The following CNTNAP2 variants were observed in gnomAD, a reference collection of about 807,000 sequenced individuals.
The protein encoded by CNTNAP2 is contactin-associated protein-like 2.
CNTNAP2 carries 98 observed loss-of-function variants against 155.2 expected under a neutral mutation model. The ratio of observed to expected loss-of-function variants is 0.63; its 90% confidence interval spans 0.54 to 0.75. The LOEUF (loss-of-function observed/expected upper bound fraction) is 0.75, where lower values mean the gene tolerates loss of function less well. Ranked by LOEUF, CNTNAP2 falls within the 30% of genes least tolerant of loss-of-function variation. CNTNAP2 has a pLI of 0.00. For synonymous variants in CNTNAP2, 651 were observed against 631.2 expected, an observed-to-expected ratio of 1.03 and a Z score of -0.47; for missense variants, 1,727 against 1,688.1, an observed-to-expected ratio of 1.02 and a Z score of -0.40.
At chr7:147,968,356 G>A (rs970423831) in intron 14 of CNTNAP2, among the ~76,000 whole-genome samples, 1 of 152,100 alleles carries the variant, frequency 6.6e-6, no homozygotes, top group Non-Finnish European at 1.5e-5. Context: ...CATTTCACTG[G>A]GGACATAGGC....
At chr7:146,642,062 G>A (rs546068733) in intron 1 of CNTNAP2, among the ~76,000 whole-genome samples, 2 of 151,910 alleles carry the variant, frequency 1.3e-5, no homozygotes, top group South Asian at 4.2e-4. Flanking sequence ...TATACTTACT[G>A]TTTTTTAAAG....
intron 1 of CNTNAP2, among the ~76,000 whole-genome samples, chr7:146,340,389 G>GT (rs1201800053): frequency 1.4e-5 from 2 of 146,668 alleles, no homozygotes; most frequent in Non-Finnish European, 3.0e-5. Flanking sequence ...AATTAATGAT[G>GT]TTTTTTCCTG....
intron 1 of CNTNAP2, among the ~76,000 whole-genome samples, chr7:146,235,987 T>A (rs948031210): frequency 1.1e-4 from 16 of 150,012 alleles, no homozygotes; most frequent in Admixed American, 5.3e-4. Context: ...TGTGCGCGCG[T>A]ATTTGTAAAA....
rs560855428 is a variant in CNTNAP2 at position 147,224,790 on chromosome 7, A to ATT, written c.1349-75350_1349-75349insTT. Reference sequence around the variant, plus strand: ...TTCCCCCCTCTCTATATATACACATATACACACACATAAACACACATATAC... The same window carrying ATT: ...TTCCCCCCTCTCTATATATACACATATTTACACACACATAAACACACATATAC... On this transcript the variant is annotated intron_variant, in intron 8 of 23. Coordinates refer to ENST00000361727, the MANE Select transcript of CNTNAP2 (RefSeq NM_014141.6). Among the ~76,000 whole-genome samples, 116 of 152,298 alleles carry ATT rather than the reference A, an allele frequency of 7.6e-4. 1 individual carries two copies. Among genetic ancestry groups the ATT allele is most frequent in the African/African-American group, 2.6e-3 (108 of 41,560 alleles).
intron 1 of CNTNAP2, among the ~76,000 whole-genome samples, chr7:146,378,630 C>T (rs767838823): frequency 2.0e-5 from 3 of 152,164 alleles, no homozygotes; most frequent in Non-Finnish European, 2.9e-5. Context: ...CATTTAACCA[C>T]TATTTAAACC....
rs565932105 is a variant in CNTNAP2 at position 146,308,563 on chromosome 7, G to C, written c.97+191590G>C. ...TTGCGGCACTATTCACAATAGCAAA[G>C]ACTTGGAACCAACCCAAACGTCCAT... On this transcript the variant is annotated intron_variant, in intron 1 of 23. Coordinates refer to ENST00000361727, the MANE Select transcript of CNTNAP2 (RefSeq NM_014141.6). Among the ~76,000 whole-genome samples, 3 of 151,540 alleles carry C rather than the reference G, an allele frequency of 2.0e-5. No homozygotes were observed. In the South Asian group the frequency reaches 6.2e-4, roughly 31 times the overall value.
chr7:146,662,648 T>A (rs111884362), intron 1 of CNTNAP2, among the ~76,000 whole-genome samples: 46 of 149,416 alleles, frequency 3.1e-4, no homozygotes, highest in Middle Eastern at 3.4e-3. Context: ...GACCAGTTTG[T>A]ATTTTTTATG....
chr7:147,219,991 G>A (rs906409932), intron 8 of CNTNAP2, among the ~76,000 whole-genome samples: 6 of 138,666 alleles, frequency 4.3e-5, no homozygotes, highest in East Asian at 2.1e-4. Flanking sequence ...GGTTTTCACC[G>A]TGTTAGCCAG....
At chr7:147,631,652 A>C (rs1387765493) in intron 12 of CNTNAP2, among the ~76,000 whole-genome samples, 1 of 152,220 alleles carries the variant, frequency 6.6e-6, no homozygotes, top group Non-Finnish European at 1.5e-5. Context: ...AATGGAACAA[A>C]ATAGAGAATC....
chr7:147,964,435 A>T (rs186301364), intron 14 of CNTNAP2, among the ~76,000 whole-genome samples: 2 of 152,254 alleles, frequency 1.3e-5, no homozygotes, highest in African/African-American at 4.8e-5. Context: ...ATTTGTTTCC[A>T]TCATTTTCCT....
intron 1 of CNTNAP2, among the ~76,000 whole-genome samples, chr7:146,619,509 A>G: frequency 6.6e-6 from 1 of 152,322 alleles, no homozygotes; most frequent in East Asian, 1.9e-4. Flanking sequence ...CATTAATTGT[A>G]TGCAATTCTA....
Position 147,422,145 on chromosome 7 carries a change from A to C in CNTNAP2, c.1670+26365A>C, listed in dbSNP as rs193071602. Among the ~76,000 whole-genome samples, 1,060 of 147,868 alleles carry C rather than the reference A, an allele frequency of 7.2e-3. 8 individuals are homozygous for C. Among genetic ancestry groups the C allele is most frequent in the Non-Finnish European group, 0.012 (793 of 67,232 alleles). On this transcript the variant is annotated intron_variant, in intron 10 of 23. Transcript: ENST00000361727. ...ATGTATATATACAGTATATATATAT[A>C]GTATGTATATATACAGTATATATAT...
intron 3 of CNTNAP2, among the ~76,000 whole-genome samples, chr7:146,841,478 C>G (rs79467662): frequency 0.016 from 2,391 of 152,050 alleles, 56 homozygotes; most frequent in African/African-American, 0.049. Flanking sequence ...CTTCTAACAC[C>G]CAGAGCACTC....
chr7:146,721,472 CTA>C (rs1343838611), intron 1 of CNTNAP2, among the ~76,000 whole-genome samples: 7 of 126,214 alleles, frequency 5.5e-5, no homozygotes, highest in Non-Finnish European at 7.8e-5. Flanking sequence ...TATATACATT[CTA>C]TATATATTCT....
At chr7:147,486,415 T>C (rs1798512411) in intron 11 of CNTNAP2, among the ~76,000 whole-genome samples, 1 of 152,104 alleles carries the variant, frequency 6.6e-6, no homozygotes, top group South Asian at 2.1e-4. Context: ...TATTAATTAA[T>C]CCGAGAGGGA....
At chr7:147,630,474 GAAGTC>G (rs1795068059) in intron 12 of CNTNAP2, among the ~76,000 whole-genome samples, 1 of 152,046 alleles carries the variant, frequency 6.6e-6, no homozygotes, top group African/African-American at 2.4e-5. Flanking sequence ...ATCATTCTGT[GAAGTC>G]AATATCACCC....
intron 15 of CNTNAP2, among the ~76,000 whole-genome samples, chr7:148,005,625 C>T (rs1267440842): frequency 2.0e-5 from 3 of 152,008 alleles, no homozygotes; most frequent in African/African-American, 7.2e-5. Context: ...ATGTCATAAA[C>T]TGGAAAATTG....
At chr7:147,205,688 T>TA (rs918132322) in intron 8 of CNTNAP2, among the ~76,000 whole-genome samples, 26 of 149,218 alleles carry the variant, frequency 1.7e-4, no homozygotes, top group African/African-American at 2.5e-4. Context: ...AATAAAATTT[T>TA]AAAAAAAAAA....
chr7:147,948,463 TAATAAAATAAA>T (rs1202018246), intron 14 of CNTNAP2, among the ~76,000 whole-genome samples: 2 of 150,184 alleles, frequency 1.3e-5, no homozygotes, highest in Non-Finnish European at 3.0e-5. Context: ...AAAATTATTT[TAATAAAATAAA>T]AATAAAATAA....
Sources: allele counts gnomAD v4.1 joint callset (sites outside exome capture counted in the v4.1 genomes callset), GRCh38; gene constraint gnomAD v4.1.1; transcripts MANE v1.5; gene names NCBI Gene and HGNC (gene_info 2026-07-23, HGNC 2026-07-21).